Variants in MAPK10 observed in about 807,000 individuals in gnomAD.
MAPK10 encodes mitogen-activated protein kinase 10, also known as JNK3 alpha protein kinase.
MAPK10 carries 25 observed loss-of-function variants against 59.3 expected under a neutral mutation model. The ratio of observed to expected loss-of-function variants is 0.42; its 90% CI spans 0.31 to 0.59. The LOEUF is 0.59. Ranked by LOEUF, MAPK10 falls within the 20% of genes least tolerant of loss-of-function variation. The pLI is 0.15. For missense variants in MAPK10, 351 were observed against 568.9 expected (o/e 0.62, Z 3.90); for synonymous variants, 190 against 200.5 (o/e 0.95, Z 0.44).
chr4:86,225,449 G>A (rs2090444051), intron 2 of MAPK10, among the ~76,000 whole-genome samples: 1 of 152,096 alleles, frequency 6.6e-6, no homozygotes, highest in Non-Finnish European at 1.5e-5. Context: ...ACTCTACCGA[G>A]AGAAGACTCC....
chr4:86,514,672 C>A (rs113461975), intron 1 of MAPK10, among the ~76,000 whole-genome samples: 81 of 152,278 alleles, frequency 5.3e-4, no homozygotes, highest in African/African-American at 1.8e-3. Context: ...AAACCTACAA[C>A]TATGATTACT....
Position 86,020,905 on chromosome 4 carries a change from G to A in MAPK10, c.1253-3535C>T, listed in dbSNP as rs558145881. On this transcript the variant is annotated intron_variant, in intron 13 of 13. Coordinates refer to ENST00000641462, the MANE Select transcript of MAPK10 (RefSeq NM_138982.4). ...GAACAAAGCTTCCACACTGTGGAAG[G>A]GGACCCAAGTGGGTTGCCAATGCTG... 6 of 152,346 alleles carry A rather than the reference G, an allele frequency of 3.9e-5. No homozygotes were observed. The South Asian group carries it at 1.2e-3, about 32-fold the overall frequency. 9.4% of individuals were successfully genotyped at this position (152,346 alleles called of 1,614,324 possible). A position where few individuals can be genotyped will look rare whatever the true frequency, so the allele number is the denominator to read the frequency against.
intron 1 of MAPK10, among the ~76,000 whole-genome samples, chr4:86,464,728 G>A (rs1752043511): frequency 6.6e-6 from 1 of 151,956 alleles, no homozygotes; most frequent in African/African-American, 2.4e-5. Flanking sequence ...GCTGAGGCAG[G>A]AGAGTGGCGT....
intron 2 of MAPK10, among the ~76,000 whole-genome samples, chr4:86,270,729 G>C (rs963338358): frequency 6.6e-6 from 1 of 152,044 alleles, no homozygotes; most frequent in African/African-American, 2.4e-5. Context: ...TATCACCATA[G>C]ATTAGTTTTA....
chr4:86,269,437 C>T (rs745508558), intron 2 of MAPK10, among the ~76,000 whole-genome samples: 3 of 152,088 alleles, frequency 2.0e-5, no homozygotes, highest in Non-Finnish European at 2.9e-5. Flanking sequence ...ACTACCTCAC[C>T]ACACTCCTTA....
In MAPK10 at chr4:86,174,024, G is replaced by T. The variant is rs531774386; in HGVS notation, c.67-14557C>A. Among the ~76,000 whole-genome samples, 11 of 144,600 alleles carry T rather than the reference G, an allele frequency of 7.6e-5. No homozygotes were observed. The East Asian group carries it at 2.2e-3, about 29-fold the overall frequency. The allele number at this position is 144,600 out of a possible 152,430, so 94.9% of individuals were successfully genotyped here. On this transcript the variant is annotated intron_variant, in intron 3 of 13. Transcript: ENST00000641462. ...AAGAATGCTTTTACACTGTTGGTGGGAATATAAATTACTTCAACCACTGTG... is the reference window on the plus strand; with the variant it reads ...AAGAATGCTTTTACACTGTTGGTGGTAATATAAATTACTTCAACCACTGTG...
intron 1 of MAPK10, among the ~76,000 whole-genome samples, chr4:86,552,759 G>T (rs192613718): frequency 2.6e-5 from 4 of 152,180 alleles, no homozygotes; most frequent in Non-Finnish European, 5.9e-5. Context: ...TTTGTTTGCT[G>T]CCCAGTATAA....
Position 86,029,082 on chromosome 4 carries a change from T to C in MAPK10, c.1252+115A>G, listed in dbSNP as rs965295090. The C allele has an allele frequency of 3.9e-6, 3 of 776,140 alleles. No individual in the cohort carries two copies. In the East Asian group the frequency reaches 7.3e-5, roughly 19 times the overall value. The allele number at this position is 776,140 out of a possible 1,614,324, so 48.1% of individuals were successfully genotyped here. A position where few individuals can be genotyped will look rare whatever the true frequency, so the allele number is the denominator to read the frequency against. ...AAATCATTATAAGGACACAACCATG[T>C]GATATTTGTCCATCTGCTCTTTAAG... On this transcript the variant is annotated intron_variant, in intron 13 of 13. Transcript: ENST00000641462.
intron 1 of MAPK10, among the ~76,000 whole-genome samples, chr4:86,536,228 T>A (rs972908151): frequency 1.3e-5 from 2 of 152,232 alleles, no homozygotes; most frequent in African/African-American, 4.8e-5. Context: ...ATAATACTTA[T>A]AACAGTAAAT....
At chr4:86,389,159 T>C (rs184627708) in intron 1 of MAPK10, among the ~76,000 whole-genome samples, 351 of 152,138 alleles carry the variant, frequency 2.3e-3, no homozygotes, top group Non-Finnish European at 4.3e-3. Flanking sequence ...TAAAAGTGTG[T>C]AGCAGCTCCC....
chr4:86,539,595 T>G (rs1434864667), intron 1 of MAPK10, among the ~76,000 whole-genome samples: 2 of 152,156 alleles, frequency 1.3e-5, no homozygotes. Context: ...CCCTTTCTGT[T>G]CCTATAAACT....
At chr4:86,040,250 A>G (rs1028537332) in intron 11 of MAPK10, among the ~76,000 whole-genome samples, 1 of 152,236 alleles carries the variant, frequency 6.6e-6, no homozygotes, top group Admixed American at 6.5e-5. Flanking sequence ...CAAAAAAATT[A>G]CAGGGAAACA....
chr4:86,505,818 A>G (rs1420481775), intron 1 of MAPK10, among the ~76,000 whole-genome samples: 1 of 152,080 alleles, frequency 6.6e-6, no homozygotes, highest in African/African-American at 2.4e-5. Context: ...TCATTTTCAA[A>G]TTTCTTTAGG....
chr4:86,170,376 C>A (rs1196134543), intron 3 of MAPK10, among the ~76,000 whole-genome samples: 3 of 151,856 alleles, frequency 2.0e-5, no homozygotes, highest in African/African-American at 7.3e-5. Flanking sequence ...ATCTACCAAG[C>A]AAATGGAAAA....
intron 2 of MAPK10, among the ~76,000 whole-genome samples, chr4:86,276,859 T>C (rs1306963551): frequency 6.6e-6 from 1 of 152,150 alleles, no homozygotes; most frequent in Non-Finnish European, 1.5e-5. Flanking sequence ...TGCATCACAA[T>C]GCTAGTTAAG....
intron 1 of MAPK10, among the ~76,000 whole-genome samples, chr4:86,562,363 C>G (rs534384157): frequency 1.3e-5 from 2 of 152,200 alleles, no homozygotes; most frequent in South Asian, 4.2e-4. Context: ...ATCAATGCTC[C>G]TAACATCAGA....
chr4:86,166,692 A>T (rs184937109), intron 3 of MAPK10, among the ~76,000 whole-genome samples: 5 of 152,270 alleles, frequency 3.3e-5, no homozygotes, highest in East Asian at 1.9e-4. Context: ...ATGAATATCC[A>T]TGTGCCCCTC....
intron 11 of MAPK10, among the ~76,000 whole-genome samples, chr4:86,042,564 G>A (rs2041779758): frequency 6.6e-6 from 1 of 152,100 alleles, no homozygotes; most frequent in South Asian, 2.1e-4. Flanking sequence ...AAATGTGGGA[G>A]GAATGGTGGA....
chr4:86,496,251 T>C (rs1405993028), intron 1 of MAPK10, among the ~76,000 whole-genome samples: 4 of 152,282 alleles, frequency 2.6e-5, no homozygotes, highest in Non-Finnish European at 5.9e-5. Flanking sequence ...GAGACGAGCT[T>C]TGTGCCCCGG....
Sources: gnomAD v4.1 joint callset for allele counts (sites outside exome capture counted in the v4.1 genomes callset) on GRCh38, gnomAD v4.1.1 for gene constraint, MANE v1.5 for transcripts, NCBI Gene and HGNC (gene_info 2026-07-23, HGNC 2026-07-21) for gene names.